Variants in MICAL2 observed in about 807,000 individuals in gnomAD.
MICAL2 encodes [F-actin]-monooxygenase MICAL2.
A neutral mutation model predicts 127.3 loss-of-function variants in MICAL2; 77 were observed. The observed-to-expected ratio is 0.60, with a 90% CI of 0.50 to 0.73. The LOEUF (loss-of-function observed/expected upper bound fraction) is 0.73. Ranked by LOEUF, MICAL2 falls within the 30% of genes least tolerant of loss-of-function variation. The pLI, the probability that MICAL2 is intolerant of heterozygous loss-of-function variation, is 0.00. For synonymous variants in MICAL2, 570 were observed against 551.1 expected (o/e 1.03, Z -0.48); for missense variants, 1,351 against 1,434.4 (o/e 0.94, Z 0.94).
chr11:12,259,678 A>C, intron 25 of MICAL2, 117 bp from the exon 26 acceptor site: 1 of 907,240 alleles, frequency 1.1e-6, no homozygotes, highest in Non-Finnish European at 1.6e-6. Flanking sequence ...GGCTGAGATT[A>C]TTGTGGGGGC....
chr11:12,222,549 G>C (rs1331539734), intron 10 of MICAL2, 68 bp from the exon 11 acceptor site: 41 of 1,602,030 alleles, frequency 2.6e-5, no homozygotes, highest in Non-Finnish European at 3.5e-5. Context: ...GGGGAAGTAG[G>C]GAAGGGTGGG....
chr11:12,358,344 C>T (rs201371395), exon 35 of MICAL2: 19 of 1,613,924 alleles, frequency 1.2e-5, no homozygotes, highest in Middle Eastern at 1.6e-4. Flanking sequence ...AAGTATTCAC[C>T]GAGCTGATGC....
chr11:12,277,083 C>T (rs142494175), intron 1 of MICAL2, among the ~76,000 whole-genome samples: 64 of 151,924 alleles, frequency 4.2e-4, no homozygotes, highest in African/African-American at 1.5e-3. Context: ...AGTAAGCCAA[C>T]CCTGACCAAG....
Position 12,188,118 on chromosome 11 carries a change from C to T in MICAL2, c.265-16132C>T, listed in dbSNP as rs953208502. ...TAGGGCACTTGAAATGTGGTAAGTCCGCATTGAGCTGCGCTGTACATATAA... is the reference window on the plus strand; with the variant it reads ...TAGGGCACTTGAAATGTGGTAAGTCTGCATTGAGCTGCGCTGTACATATAA... On this transcript the variant is annotated intron_variant, in intron 3 of 27. Transcript: ENST00000683283. 9.2e-5 allele frequency among the ~76,000 whole-genome samples: 14 copies of T among 152,092 alleles called. 1 individual carries two copies. The highest frequency in any genetic ancestry group is 2.4e-4 in the African/African-American group (10 of 41,406).
chr11:12,308,326 T>C (rs1424633263), intron 29 of MICAL2: 1 of 152,222 alleles, frequency 6.6e-6, no homozygotes, highest in African/African-American at 2.4e-5. Flanking sequence ...AGAAGCCTAC[T>C]GGAATTTTGC....
chr11:12,344,721 G>A (rs892331185), intron 32 of MICAL2, among the ~76,000 whole-genome samples: 1 of 150,162 alleles, frequency 6.7e-6, no homozygotes, highest in African/African-American at 2.4e-5. Context: ...AGCTGGTCTT[G>A]AACTCCTGAC....
chr11:12,118,136 G>A (rs1309266313), intron 1 of MICAL2, among the ~76,000 whole-genome samples: 2 of 152,144 alleles, frequency 1.3e-5, no homozygotes, highest in African/African-American at 2.4e-5. Context: ...TCTTGCTTGG[G>A]CGTGTTGGTT....
intron 21 of MICAL2, 89 bp downstream of exon 21, chr11:12,244,201 C>A: frequency 6.5e-7 from 1 of 1,538,012 alleles, no homozygotes; most frequent in South Asian, 1.1e-5. Flanking sequence ...ACATCTTGAG[C>A]CTGGCTTGGC....
intron 32 of MICAL2, among the ~76,000 whole-genome samples, chr11:12,346,690 G>T (rs137984421): frequency 5.3e-5 from 8 of 152,258 alleles, no homozygotes; most frequent in African/African-American, 1.4e-4. Flanking sequence ...GAGGCATGTT[G>T]TATTCTATTT....
At chr11:12,268,600 G>T (rs1487494915), downstream of MICAL2, among the ~76,000 whole-genome samples, 1 of 152,204 alleles carries the variant, frequency 6.6e-6, no homozygotes, top group African/African-American at 2.4e-5. Flanking sequence ...GATCCCCTGA[G>T]CCCAGTTATC....
chr11:12,234,678 CA>C (rs1160497699), intron 15 of MICAL2, among the ~76,000 whole-genome samples: 2 of 152,042 alleles, frequency 1.3e-5, no homozygotes, highest in Non-Finnish European at 2.9e-5. Flanking sequence ...TAAAAACAAA[CA>C]AAAAAATCTG....
intron 29 of MICAL2, among the ~76,000 whole-genome samples, chr11:12,309,244 T>C (rs528812191): frequency 2.0e-5 from 3 of 152,312 alleles, no homozygotes; most frequent in Admixed American, 6.5e-5. Flanking sequence ...TTGTTACCTA[T>C]AATTTTCCTA....
chr11:12,284,782 G>A (rs1863807202), intron 2 of MICAL2, among the ~76,000 whole-genome samples: 1 of 152,154 alleles, frequency 6.6e-6, no homozygotes, highest in Non-Finnish European at 1.5e-5. Flanking sequence ...ATGGGGAGCT[G>A]GGAAGACTGT....
intron 32 of MICAL2, among the ~76,000 whole-genome samples, chr11:12,330,209 G>A (rs944771231): frequency 2.0e-5 from 3 of 152,062 alleles, no homozygotes; most frequent in African/African-American, 7.2e-5. Context: ...AATATTCCTT[G>A]GTGGTTTAAT....
intron 2 of MICAL2, among the ~76,000 whole-genome samples, chr11:12,143,931 G>T (rs1852609497): frequency 6.6e-6 from 1 of 152,088 alleles, no homozygotes; most frequent in Non-Finnish European, 1.5e-5. Context: ...AATAATGGCG[G>T]AGAGAGAGAG....
At chr11:12,289,553 C>CTTGTTTTTTT (rs1555017982), downstream of MICAL2, among the ~76,000 whole-genome samples, 1 of 42,078 alleles carries the variant, frequency 2.4e-5, no homozygotes, top group Non-Finnish European at 8.0e-5. Context: ...CTGGGCACCT[C>CTTGTTTTTTT]TTGTTTTTTT....
intron 30 of MICAL2, among the ~76,000 whole-genome samples, chr11:12,321,680 T>G (rs528306375): frequency 6.6e-6 from 1 of 152,276 alleles, no homozygotes; most frequent in East Asian, 1.9e-4. Context: ...ATTCTTCTTT[T>G]CTGTATCAGC....
chr11:12,186,524 G>A (rs984906961), intron 3 of MICAL2, among the ~76,000 whole-genome samples: 10 of 152,156 alleles, frequency 6.6e-5, no homozygotes, highest in East Asian at 3.9e-4. Context: ...ATTTGAGGGC[G>A]CCTAGACAAT....
chr11:12,294,413 C>A, downstream of MICAL2: 1 of 1,614,228 alleles, frequency 6.2e-7, no homozygotes, highest in Non-Finnish European at 8.5e-7. Context: ...CCAGCATTCC[C>A]CTGGGAGAAA....
Sources: allele counts gnomAD v4.1 joint callset (sites outside exome capture counted in the v4.1 genomes callset), GRCh38; gene constraint gnomAD v4.1.1; transcripts MANE v1.5; gene names NCBI Gene and HGNC (gene_info 2026-07-23, HGNC 2026-07-21).